Variants in ZNF385B observed in about 807,000 individuals in gnomAD.
ZNF385B encodes zinc finger protein 385B, also known as zinc finger protein 533.
ZNF385B carries 23 observed loss-of-function variants against 39.2 expected under a neutral mutation model. The ratio of observed to expected loss-of-function variants is 0.59; its 90% CI spans 0.42 to 0.83. The LOEUF (loss-of-function observed/expected upper bound fraction) is 0.83, where lower values mean the gene tolerates loss of function less well. ZNF385B is among the 40% of genes least tolerant of loss of function. The pLI, the probability that ZNF385B is intolerant of heterozygous loss-of-function variation, is 0.00. For synonymous variants in ZNF385B, 205 were observed against 222.6 expected (o/e 0.92, Z 0.70); for missense variants, 552 against 598.9 (o/e 0.92, Z 0.82).
At chr2:179,568,932 A>T (rs941156635) in intron 3 of ZNF385B, among the ~76,000 whole-genome samples, 18 of 152,220 alleles carry the variant, frequency 1.2e-4, no homozygotes, top group African/African-American at 4.3e-4. Context: ...TTTTTAAACC[A>T]TCTAACACCT....
At chr2:179,673,375 T>C (rs999331777) in intron 3 of ZNF385B, among the ~76,000 whole-genome samples, 3 of 152,138 alleles carry the variant, frequency 2.0e-5, no homozygotes, top group Admixed American at 1.3e-4. Context: ...CATACGCTTT[T>C]CACAAATCTC....
At chr2:179,766,877 C>T (rs918099151) in intron 3 of ZNF385B, among the ~76,000 whole-genome samples, 8 of 152,164 alleles carry the variant, frequency 5.3e-5, no homozygotes, top group East Asian at 3.9e-4. Flanking sequence ...CTTATTTAGG[C>T]GCTTGCTTTG....
intron 6 of ZNF385B, among the ~76,000 whole-genome samples, chr2:179,464,547 A>C (rs940941164): frequency 6.6e-6 from 1 of 152,134 alleles, no homozygotes; most frequent in African/African-American, 2.4e-5. Flanking sequence ...GAAGGGGTCC[A>C]GTTTCAGTTT....
rs755278598 is a variant in ZNF385B, at chr2:179,836,513, C to CTTTTTTTTTT, written c.-155+24578_-155+24587dup. Among the ~76,000 whole-genome samples the CTTTTTTTTTT allele has an allele frequency of 4.6e-3, 573 of 124,094 alleles. 7 individuals are homozygous for CTTTTTTTTTT. Among genetic ancestry groups the CTTTTTTTTTT allele is most frequent in the African/African-American group, 5.8e-3 (185 of 31,768 alleles). 81.4% of individuals were successfully genotyped at this position (124,094 alleles called of 152,430 possible). Reference sequence around the variant, plus strand: ...ATCTGAATCAAGGTTCTTGCGTTTTCTTTTTTTTTTTTTTTTGAGACGGAG... The same window carrying CTTTTTTTTTT: ...ATCTGAATCAAGGTTCTTGCGTTTTCTTTTTTTTTTTTTTTTTTTTTTTTTTGAGACGGAG... On this transcript the variant is annotated intron_variant, in intron 1 of 9. Transcript: ENST00000410066.
chr2:179,795,401 A>G (rs1705597352), intron 1 of ZNF385B, among the ~76,000 whole-genome samples: 1 of 152,188 alleles, frequency 6.6e-6, no homozygotes, highest in Non-Finnish European at 1.5e-5. Flanking sequence ...GTAGAGGTAG[A>G]TGAGAATACC....
chr2:179,619,267 G>A (rs1376593035), intron 3 of ZNF385B, among the ~76,000 whole-genome samples: 1 of 152,184 alleles, frequency 6.6e-6, no homozygotes, highest in African/African-American at 2.4e-5. Context: ...GCTGATAATA[G>A]CCAATACACT....
intron 6 of ZNF385B, among the ~76,000 whole-genome samples, chr2:179,454,007 G>A (rs1336518061): frequency 1.3e-5 from 2 of 152,164 alleles, no homozygotes; most frequent in Non-Finnish European, 2.9e-5. Context: ...GCAAGAATCA[G>A]AAAGCATGGA....
At chr2:179,796,053 C>A (rs1705641717) in intron 1 of ZNF385B, among the ~76,000 whole-genome samples, 1 of 151,998 alleles carries the variant, frequency 6.6e-6, no homozygotes, top group Non-Finnish European at 1.5e-5. Context: ...GAAAAATCCA[C>A]CCACAAAAAA....
At chr2:179,473,739 C>T (rs1224048401) in intron 6 of ZNF385B, among the ~76,000 whole-genome samples, 3 of 152,018 alleles carry the variant, frequency 2.0e-5, no homozygotes, top group African/African-American at 4.8e-5. Context: ...TGTGTGTTCT[C>T]GTTGTTGAAC....
intron 3 of ZNF385B, among the ~76,000 whole-genome samples, chr2:179,558,227 G>A (rs1559474980): frequency 6.6e-6 from 1 of 152,084 alleles, no homozygotes; most frequent in Non-Finnish European, 1.5e-5. Flanking sequence ...TAAGAGCCAG[G>A]CTAAAGGGAT....
intron 1 of ZNF385B, among the ~76,000 whole-genome samples, chr2:179,821,065 T>A (rs1707368012): frequency 6.6e-6 from 1 of 152,188 alleles, no homozygotes; most frequent in Non-Finnish European, 1.5e-5. Context: ...TGAATACTTT[T>A]TTCTTTTTCC....
intron 3 of ZNF385B, among the ~76,000 whole-genome samples, chr2:179,553,134 C>G (rs1261799876): frequency 6.7e-6 from 1 of 149,074 alleles, no homozygotes; most frequent in African/African-American, 2.5e-5. Context: ...TAGATACATT[C>G]TCCAGCTGAG....
chr2:179,695,329 T>A (rs1235784212), intron 3 of ZNF385B, among the ~76,000 whole-genome samples: 1 of 151,982 alleles, frequency 6.6e-6, no homozygotes, highest in Non-Finnish European at 1.5e-5. Context: ...AAGAAAAAAA[T>A]AGATAAACTG....
At chr2:179,784,852 T>C (rs952457957) in intron 1 of ZNF385B, among the ~76,000 whole-genome samples, 40 of 152,106 alleles carry the variant, frequency 2.6e-4, no homozygotes, top group Admixed American at 6.6e-5. Context: ...TATAAAGTGG[T>C]ACAGCCATTT....
intron 5 of ZNF385B, among the ~76,000 whole-genome samples, chr2:179,500,930 A>G (rs935591580): frequency 1.3e-5 from 2 of 152,234 alleles, no homozygotes; most frequent in Admixed American, 1.3e-4. Flanking sequence ...AAATGGGCAA[A>G]AGATTTGAAT....
chr2:179,645,548 C>T (rs1275563304), intron 3 of ZNF385B, among the ~76,000 whole-genome samples: 3 of 152,040 alleles, frequency 2.0e-5, no homozygotes, highest in Admixed American at 6.6e-5. Flanking sequence ...CTGAGGTGGC[C>T]CCTGGGAACC....
intron 6 of ZNF385B, among the ~76,000 whole-genome samples, chr2:179,474,929 C>A (rs6744352): frequency 0.16 from 23,805 of 152,072 alleles, 2,093 homozygotes; most frequent in Middle Eastern, 0.21. Context: ...TATCCATACT[C>A]CCTACTGCTG....
chr2:179,633,118 A>G (rs1376346968), intron 3 of ZNF385B, among the ~76,000 whole-genome samples: 2 of 152,216 alleles, frequency 1.3e-5, no homozygotes, highest in African/African-American at 2.4e-5. Context: ...GAATTCTACC[A>G]GAGGTACAAA....
intron 6 of ZNF385B, among the ~76,000 whole-genome samples, chr2:179,472,760 C>A (rs541158171): frequency 4.0e-5 from 6 of 151,882 alleles, no homozygotes; most frequent in Admixed American, 6.6e-5. Context: ...TGGATCATAC[C>A]CCCCCTCCCT....
Sources: allele counts gnomAD v4.1 joint callset (sites outside exome capture counted in the v4.1 genomes callset), GRCh38; gene constraint gnomAD v4.1.1; transcripts MANE v1.5; gene names NCBI Gene and HGNC (gene_info 2026-07-23, HGNC 2026-07-21).